TCEANC2: variants seen among roughly 807,000 people sequenced by gnomAD.
The protein encoded by TCEANC2 is transcription elongation factor A N-terminal and central domain-containing protein 2.
A neutral mutation model predicts 22.8 loss-of-function variants in TCEANC2; 20 were observed. The observed-to-expected ratio is 0.88, with a 90% CI of 0.62 to 1.28. The LOEUF (loss-of-function observed/expected upper bound fraction) is 1.28. Among genes scored for constraint, TCEANC2 ranks in the 50% most tolerant of loss-of-function variants. The pLI, the probability that TCEANC2 is intolerant of heterozygous loss-of-function variation, is 0.00. For synonymous variants in TCEANC2, 84 were observed against 95.5 expected, an observed-to-expected ratio of 0.88 and a Z score of 0.70; for missense variants, 251 against 249.7, an observed-to-expected ratio of 1.01 and a Z score of -0.03.
chr1:54,077,853 C>T (rs1238400790), intron 3 of TCEANC2, among the ~76,000 whole-genome samples: 2 of 152,138 alleles, frequency 1.3e-5, no homozygotes, highest in Non-Finnish European at 2.9e-5. Flanking sequence ...TGTCCTCTCT[C>T]CCCTAACAGG....
chr1:54,062,263 A>G (rs1354141539), intron 2 of TCEANC2, among the ~76,000 whole-genome samples: 1 of 152,222 alleles, frequency 6.6e-6, no homozygotes, highest in Non-Finnish European at 1.5e-5. Flanking sequence ...GGCAATAACT[A>G]TTCTACTCCT....
rs201554455 is a variant in TCEANC2 at position 54,068,890 on chromosome 1, A to C, written c.237A>C (p.Thr79=). The change falls in exon 3 of 5, where the codon ACA becomes ACC. Residue 79 remains threonine, a synonymous_variant. Transcript: ENST00000234827. ...CCTCCAGGGAAGTGTTAAAATCAAC[A>C]AGGATAGGTATATTCCTTCTTAATT... ...KIPSREVLKS[T]RIGHTVNKMR... is the part of the protein sequence containing the mutation. The C allele has an allele frequency of 1.3e-5, 20 of 1,588,434 alleles. No homozygotes were observed. The highest frequency in any genetic ancestry group is 1.6e-5 in the Non-Finnish European group (19 of 1,173,056).
chr1:54,082,816 G>A (rs991585618), intron 3 of TCEANC2, among the ~76,000 whole-genome samples: 1 of 152,182 alleles, frequency 6.6e-6, no homozygotes, highest in Non-Finnish European at 1.5e-5. Flanking sequence ...GAGGGCCATG[G>A]AGAACCATCG....
intron 2 of TCEANC2, among the ~76,000 whole-genome samples, chr1:54,061,971 G>A (rs1028117314): frequency 6.6e-6 from 1 of 152,196 alleles, no homozygotes; most frequent in African/African-American, 2.4e-5. Context: ...TTAAGAGGAA[G>A]TGATTTCTTC....
rs1422624105 is a variant in TCEANC2, at chr1:54,102,560, G to C, written c.*6087G>C. On this transcript the variant is annotated 3_prime_UTR_variant, in exon 5 of 5. Coordinates refer to ENST00000234827, the MANE Select transcript of TCEANC2 (RefSeq NM_153035.3). ...AAAGCCAGCAGCAATTCCTAAGATA[G>C]AAATAATACAACTGGGGTTGGGCAT... 1 of 152,268 alleles carries C rather than the reference G, an allele frequency of 6.6e-6. No individual in the cohort carries two copies. Among genetic ancestry groups the C allele is most frequent in the African/African-American group, 2.4e-5 (1 of 41,454 alleles). The allele number at this position is 152,268 out of a possible 1,614,324, so 9.4% of individuals were successfully genotyped here.
rs1398499810 is a variant in TCEANC2, at chr1:54,094,891, C to T, written c.439-1394C>T. ...CAGTGGCTCATGCCTGTAATCTCAG[C>T]ACTTTGGGAGGCCAAGGTGGGAGGA... On this transcript the variant is annotated intron_variant, in intron 4 of 4. Coordinates refer to ENST00000234827, the MANE Select transcript of TCEANC2 (RefSeq NM_153035.3). 2.0e-5 allele frequency among the ~76,000 whole-genome samples: 3 copies of T among 152,190 alleles called. 1 individual carries two copies. Among genetic ancestry groups the T allele is most frequent in the African/African-American group, 7.2e-5 (3 of 41,434 alleles).
intron 3 of TCEANC2, among the ~76,000 whole-genome samples, chr1:54,073,953 T>C (rs543748596): frequency 6.6e-6 from 1 of 152,146 alleles, no homozygotes; most frequent in African/African-American, 2.4e-5. Flanking sequence ...GTTTCTGATA[T>C]GGGCAAGTAG....
chr1:54,091,532 A>C (rs758357166), intron 4 of TCEANC2, among the ~76,000 whole-genome samples: 1 of 152,174 alleles, frequency 6.6e-6, no homozygotes, highest in Non-Finnish European at 1.5e-5. Flanking sequence ...AAATGTTTCC[A>C]TGTTGTTTCA....
downstream of TCEANC2, among the ~76,000 whole-genome samples, chr1:54,110,505 G>C (rs994619475): frequency 6.6e-6 from 1 of 152,120 alleles, no homozygotes; most frequent in Non-Finnish European, 1.5e-5. Flanking sequence ...TTGGGAGGCT[G>C]AAGTGGGAGG....
intron 4 of TCEANC2, among the ~76,000 whole-genome samples, chr1:54,095,654 A>G (rs565232495): frequency 3.3e-5 from 5 of 152,262 alleles, no homozygotes; most frequent in African/African-American, 7.2e-5. Context: ...TCCAATCTCA[A>G]CCATTCTCTC....
chr1:54,093,858 AGT>A (rs1658493565), intron 4 of TCEANC2, among the ~76,000 whole-genome samples: 1 of 151,948 alleles, frequency 6.6e-6, no homozygotes, highest in Non-Finnish European at 1.5e-5. Flanking sequence ...TTTCATGCTA[AGT>A]GTATCTCTAA....
chr1:54,104,360 G>A lies in TCEANC2; in HGVS notation c.*7887G>A, dbSNP rs577356599. ...TGAACTATTAGCTGTGACTGCACCC[G>A]GGCACTTGAGCTCCTCATATCAGGA... On this transcript the variant is annotated 3_prime_UTR_variant, in exon 5 of 5. Coordinates refer to ENST00000234827, the MANE Select transcript of TCEANC2 (RefSeq NM_153035.3). 108 of 228,764 alleles carry A rather than the reference G, an allele frequency of 4.7e-4. No individual in the cohort carries two copies. The highest frequency in any genetic ancestry group is 8.2e-4 in the Non-Finnish European group (89 of 108,830). 14.2% of individuals were successfully genotyped at this position (228,764 alleles called of 1,614,324 possible).
downstream of TCEANC2, among the ~76,000 whole-genome samples, chr1:54,107,425 C>T (rs1658775401): frequency 6.6e-6 from 1 of 152,124 alleles, no homozygotes. Flanking sequence ...CAGATTTTCC[C>T]ACTATGAAGT....
intron 3 of TCEANC2, among the ~76,000 whole-genome samples, chr1:54,074,322 G>A (rs1408733342): frequency 6.6e-6 from 1 of 152,196 alleles, no homozygotes; most frequent in Non-Finnish European, 1.5e-5. Flanking sequence ...AATTAGCTGG[G>A]CATGGTGGCG....
intron 2 of TCEANC2, among the ~76,000 whole-genome samples, chr1:54,062,034 A>G (rs939998626): frequency 3.9e-5 from 6 of 152,220 alleles, no homozygotes; most frequent in African/African-American, 1.4e-4. Flanking sequence ...GAGTATACTC[A>G]TTCTTTTAGG....
At chr1:54,077,678 T>C (rs748618000) in intron 3 of TCEANC2, among the ~76,000 whole-genome samples, 3 of 152,126 alleles carry the variant, frequency 2.0e-5, no homozygotes, top group Admixed American at 6.6e-5. Flanking sequence ...CCAGCAGAAG[T>C]TACATTTTAT....
At chr1:54,075,362 G>A (rs1409139400) in intron 3 of TCEANC2, among the ~76,000 whole-genome samples, 1 of 152,178 alleles carries the variant, frequency 6.6e-6, no homozygotes, top group Admixed American at 6.5e-5. Context: ...ATGGGACTTT[G>A]CTAGGTCAAA....
chr1:54,091,729 T>C (rs1469309989), intron 4 of TCEANC2, among the ~76,000 whole-genome samples: 2 of 152,188 alleles, frequency 1.3e-5, no homozygotes, highest in Admixed American at 1.3e-4. Context: ...CTTTACTTTC[T>C]CCCTTCCAGA....
intron 2 of TCEANC2, among the ~76,000 whole-genome samples, chr1:54,067,389 A>G (rs1657978105): frequency 6.6e-6 from 1 of 152,238 alleles, no homozygotes; most frequent in Admixed American, 6.5e-5. Flanking sequence ...AGAAGGAGAC[A>G]GTGCCCACAG....
Sources: gnomAD v4.1 joint callset for allele counts (sites outside exome capture counted in the v4.1 genomes callset) on GRCh38, gnomAD v4.1.1 for gene constraint, MANE v1.5 for transcripts, NCBI Gene and HGNC (gene_info 2026-07-23, HGNC 2026-07-21) for gene names.